Variants in ESF1 observed in about 807,000 individuals in gnomAD.
ESF1 encodes ESF1 nucleolar pre-rRNA processing protein.
Under a neutral mutation model 92.0 loss-of-function variants are expected in ESF1, and 58 were observed. The ratio of observed to expected loss-of-function variants is 0.63; its 90% CI spans 0.51 to 0.78. The LOEUF is 0.78. Ranked by LOEUF, ESF1 falls within the 30% of genes least tolerant of loss-of-function variation. The pLI, the probability that ESF1 is intolerant of heterozygous loss-of-function variation, is 0.00. For missense variants in ESF1, 922 were observed against 989.1 expected (o/e 0.93, Z 0.91); for synonymous variants, 321 against 313.7 (o/e 1.02, Z -0.24).
intron 9 of ESF1, among the ~76,000 whole-genome samples, chr20:13,739,223 C>A (rs529977518): frequency 6.6e-6 from 1 of 152,156 alleles, no homozygotes; most frequent in South Asian, 2.1e-4. Flanking sequence ...AGCTATTTAA[C>A]TGGGTAGAAA....
intron 9 of ESF1, among the ~76,000 whole-genome samples, chr20:13,739,754 A>G (rs7263642): frequency 0.03 from 4,486 of 152,038 alleles, 224 homozygotes; most frequent in African/African-American, 0.1. Context: ...TCAAACGGAA[A>G]TATCAAACTA....
In ESF1 at chr20:13,775,950, C is replaced by T. The variant is rs200849736; in HGVS notation, c.958G>A (p.Ala320Thr). The T allele has an allele frequency of 1.9e-6, 3 of 1,613,748 alleles. No homozygotes were observed. Among genetic ancestry groups the T allele is most frequent in the Non-Finnish European group, 2.5e-6 (3 of 1,179,874 alleles). The change falls in exon 3 of 14, where the codon GCA becomes ACA. Residue 320 changes from alanine (A) to threonine (T), a missense_variant. Ala to Thr is a moderately conservative substitution (Grantham distance 58). Transcript: ENST00000617257. ...CCAGATTCTTCTGGAAACAAATCTG[C>T]CGTATCATCTTCATCTTCAGAACTA... ...ETSSEDEDDT[A>T]DLFPEESGFE...
intron 12 of ESF1, among the ~76,000 whole-genome samples, chr20:13,718,274 T>C (rs2049844208): frequency 6.6e-6 from 1 of 152,236 alleles, no homozygotes; most frequent in Admixed American, 6.5e-5. Flanking sequence ...TGTTGCTCTT[T>C]AGATAACTTT....
In ESF1 at chr20:13,759,735, TTTC is replaced by T; in HGVS notation, c.1782_1784del (p.Lys595del). 1 of 1,572,274 alleles carries T rather than the reference TTTC, an allele frequency of 6.4e-7. No homozygotes were observed. The highest frequency in any genetic ancestry group is 8.6e-7 in the Non-Finnish European group (1 of 1,168,906). On this transcript the variant is annotated inframe_deletion, in exon 9 of 14. Coordinates refer to ENST00000617257, the MANE Select transcript of ESF1 (RefSeq NM_001276380.2). Reference sequence around the variant, plus strand: ...CCATTTCCATATCATTTTCTTTGCCTTTCTTTTCTTTTTCTTGAATAACCTGCA... The same window carrying T: ...CCATTTCCATATCATTTTCTTTGCCTTTTTCTTTTTCTTGAATAACCTGCA...
intron 9 of ESF1, among the ~76,000 whole-genome samples, chr20:13,737,853 G>A (rs1048077142): frequency 5.9e-5 from 9 of 152,100 alleles, no homozygotes; most frequent in African/African-American, 1.7e-4. Context: ...GACAGGGTTC[G>A]CCATGTTGGC....
At chr20:13,726,187 T>C (rs997141504) in intron 11 of ESF1, among the ~76,000 whole-genome samples, 3 of 152,180 alleles carry the variant, frequency 2.0e-5, no homozygotes, top group East Asian at 1.9e-4. Flanking sequence ...CAGAGTAATA[T>C]GTTAATCTAT....
At chr20:13,724,827 A>G (rs2049890507) in intron 11 of ESF1, among the ~76,000 whole-genome samples, 1 of 152,206 alleles carries the variant, frequency 6.6e-6, no homozygotes, top group African/African-American at 2.4e-5. Context: ...TGACTGAATA[A>G]CCACGTACAT....
At chr20:13,731,511 G>A (rs921876297) in intron 10 of ESF1, among the ~76,000 whole-genome samples, 3 of 133,888 alleles carry the variant, frequency 2.2e-5, no homozygotes, top group African/African-American at 8.6e-5. Context: ...CAGCCTGGGC[G>A]ACAGAGCGAG....
intron 9 of ESF1, among the ~76,000 whole-genome samples, chr20:13,757,183 C>T (rs908581114): frequency 1.4e-4 from 22 of 151,924 alleles, no homozygotes; most frequent in Non-Finnish European, 1.8e-4. Flanking sequence ...AAAACCAATA[C>T]GAGGAATGAA....
chr20:13,720,861 C>G (rs999442035), intron 11 of ESF1, among the ~76,000 whole-genome samples: 3 of 152,242 alleles, frequency 2.0e-5, no homozygotes, highest in Non-Finnish European at 4.4e-5. Context: ...TGGCTCACAC[C>G]TGTAATCCCA....
At chr20:13,735,298 A>G (rs1293256477) in intron 9 of ESF1, among the ~76,000 whole-genome samples, 1 of 152,138 alleles carries the variant, frequency 6.6e-6, no homozygotes, top group African/African-American at 2.4e-5. Flanking sequence ...GAAAAGTATT[A>G]ATGTTAACCT....
At chr20:13,720,723 T>C (rs555322288) in intron 11 of ESF1, among the ~76,000 whole-genome samples, 1 of 152,338 alleles carries the variant, frequency 6.6e-6, no homozygotes, top group Non-Finnish European at 1.5e-5. Context: ...TAAAAGTATA[T>C]GCATACAAAA....
At chr20:13,776,673 C>A (rs1979957666) in intron 2 of ESF1, among the ~76,000 whole-genome samples, 1 of 152,166 alleles carries the variant, frequency 6.6e-6, no homozygotes, top group South Asian at 2.1e-4. Flanking sequence ...CAAATAAAAT[C>A]AATATATAGG....
chr20:13,781,566 C>A lies in ESF1; in HGVS notation c.637+938G>T, dbSNP rs531821709. Reference sequence around the variant, plus strand: ...AAGGGCTAAAATCAAGGCCATCCTACACTCACCAAGCCATGCACTCTGGAG... The same window carrying A: ...AAGGGCTAAAATCAAGGCCATCCTAAACTCACCAAGCCATGCACTCTGGAG... On this transcript the variant is annotated intron_variant, in intron 2 of 13. Transcript: ENST00000617257. 3.9e-5 allele frequency among the ~76,000 whole-genome samples: 6 copies of A among 152,314 alleles called. No individual in the cohort carries two copies. The South Asian group carries it at 1.2e-3, about 32-fold the overall frequency.
intron 9 of ESF1, among the ~76,000 whole-genome samples, chr20:13,756,442 T>G (rs1319226771): frequency 1.3e-5 from 2 of 152,192 alleles, no homozygotes; most frequent in Non-Finnish European, 2.9e-5. Flanking sequence ...AAACTGACAC[T>G]CTTACTGATT....
chr20:13,750,193 A>T (rs13041570), intron 9 of ESF1, among the ~76,000 whole-genome samples: 11,068 of 152,194 alleles, frequency 0.073, 439 homozygotes, highest in Non-Finnish European at 0.087. Context: ...CAAACCAAAG[A>T]TCTACAGAGA....
At chr20:13,760,753 A>T (rs1265117419) in intron 8 of ESF1, among the ~76,000 whole-genome samples, 4 of 136,958 alleles carry the variant, frequency 2.9e-5, no homozygotes, top group African/African-American at 1.1e-4. Context: ...TCCGGGAGGG[A>T]GGTGGGGGGG....
In ESF1 at chr20:13,783,267, AAGT is replaced by A. The variant is rs1980334411; in HGVS notation, c.-43-87_-43-85del. ...TTAAAACACATTCACAATATATTCT[AAGT>A]TAATATATTCTAAGTTAAGTGTACA... On this transcript the variant is annotated intron_variant, in intron 1 of 13. Coordinates refer to ENST00000617257, the MANE Select transcript of ESF1 (RefSeq NM_001276380.2). 2.4e-5 allele frequency: 23 copies of A among 961,108 alleles called. 1 individual carries two copies. The highest frequency in any genetic ancestry group is 3.1e-5 in the Non-Finnish European group (21 of 671,010). 59.5% of individuals were successfully genotyped at this position (961,108 alleles called of 1,614,324 possible).
intron 2 of ESF1, among the ~76,000 whole-genome samples, chr20:13,779,251 T>C (rs973941846): frequency 6.6e-6 from 1 of 151,644 alleles, no homozygotes; most frequent in Non-Finnish European, 1.5e-5. Flanking sequence ...TTTACCATTT[T>C]CCCCCAATTA....
Sources: allele counts gnomAD v4.1 joint callset (sites outside exome capture counted in the v4.1 genomes callset), GRCh38; gene constraint gnomAD v4.1.1; transcripts MANE v1.5; gene names NCBI Gene and HGNC (gene_info 2026-07-23, HGNC 2026-07-21).